Variants in DNAH17 observed in about 807,000 individuals in gnomAD.
The protein encoded by DNAH17 is axonemal beta dynein heavy chain 17.
In DNAH17, 376 loss-of-function variants were observed where a neutral mutation model predicts 485.6. The ratio of observed to expected loss-of-function variants is 0.77; its 90% confidence interval spans 0.71 to 0.84. The LOEUF is 0.84. Among genes scored for constraint, DNAH17 ranks in the 40% least tolerant of loss-of-function variants. DNAH17 has a pLI of 0.00. For synonymous variants in DNAH17, 3,031 were observed against 2,405.9 expected (o/e 1.26, Z -7.60); for missense variants, 6,370 against 5,839.3 (o/e 1.09, Z -2.96).
intron 1 of DNAH17, among the ~76,000 whole-genome samples, chr17:78,575,973 G>A (rs2092427727): frequency 6.6e-6 from 1 of 152,242 alleles, no homozygotes; most frequent in Non-Finnish European, 1.5e-5. Flanking sequence ...GGGCAGGGTT[G>A]AATGCAAAGG....
Position 78,453,482 on chromosome 17 carries a change from G to A in DNAH17, c.10407-17C>T, listed in dbSNP as rs1324572501. The A allele has an allele frequency of 6.2e-6, 10 of 1,613,572 alleles. No homozygotes were observed. The highest frequency in any genetic ancestry group is 8.5e-6 in the Non-Finnish European group (10 of 1,179,578). ...TCCAGGTAGCTGCGGGCACAACACG[G>A]AAGCTGGTTCATGGCAGAGGGCCTC... On this transcript the variant is annotated splice_polypyrimidine_tract_variant and intron_variant, in intron 64 of 80. Coordinates refer to ENST00000389840, the MANE Select transcript of DNAH17 (RefSeq NM_173628.4).
Position 78,575,089 on chromosome 17 carries a change from A to G in DNAH17, c.-25-7T>C. On this transcript the variant is annotated splice_region_variant and splice_polypyrimidine_tract_variant and intron_variant, in intron 1 of 80. Transcript: ENST00000389840. ...CTTTCCTTACACTGTGTATCTGTTA[A>G]GAGTGCAAGAAACAGGTACGAACTG... 1 of 1,562,458 alleles carries G rather than the reference A, an allele frequency of 6.4e-7. No individual in the cohort carries two copies.
chr17:78,574,633 G>A (rs917892803), intron 2 of DNAH17, 80 bp downstream of exon 2: 3 of 1,291,944 alleles, frequency 2.3e-6, no homozygotes, highest in Admixed American at 4.4e-5. Flanking sequence ...AGGGACTCCA[G>A]GCTGAGCAGC....
intron 27 of DNAH17, 149 bp from the exon 28 acceptor site, chr17:78,507,954 C>A: frequency 1.5e-6 from 1 of 679,848 alleles, no homozygotes; most frequent in Admixed American, 2.9e-5. Flanking sequence ...AAAGGCAGAT[C>A]CAACCCGAAC....
chr17:78,544,767 C>T (rs983443028), intron 16 of DNAH17, among the ~76,000 whole-genome samples: 1 of 127,184 alleles, frequency 7.9e-6, no homozygotes, highest in Non-Finnish European at 1.6e-5. Context: ...CGCCACTCCA[C>T]TCCAGCCTGG....
chr17:78,572,020 C>T (rs539593688), intron 3 of DNAH17, among the ~76,000 whole-genome samples: 3 of 152,116 alleles, frequency 2.0e-5, no homozygotes, highest in African/African-American at 4.8e-5. Flanking sequence ...GGCCTGGAGG[C>T]GCTCACCTCC....
chr17:78,425,388 G>A lies in DNAH17; in HGVS notation c.13099C>T (p.Pro4367Ser), dbSNP rs763969381. 3.3e-5 allele frequency: 53 copies of A among 1,613,878 alleles called. No homozygotes were observed. Among genetic ancestry groups the A allele is most frequent in the Non-Finnish European group, 3.9e-5 (46 of 1,179,900 alleles). ...TACACGTAGGAGCCCTCTCGCGGAG[G>A]AGCGGTCATGTCCTCTCGGTTTTTC... is the stretch of plus-strand genomic sequence containing the variant. ...TKKNREDMTA[P>S]PREGSYVYGL... The change falls in exon 80 of 81, where the codon CCT becomes TCT. Residue 4367 changes from proline (P) to serine (S), a missense_variant. Coordinates refer to ENST00000389840, the MANE Select transcript of DNAH17 (RefSeq NM_173628.4).
chr17:78,569,309 C>T, intron 8 of DNAH17, 57 bp from the exon 9 acceptor site: 2 of 1,600,304 alleles, frequency 1.2e-6, no homozygotes, highest in South Asian at 2.2e-5. Context: ...CCAAGTTTAT[C>T]AAATATCGGG....
Position 78,425,350 on chromosome 17 carries a change from C to CA in DNAH17, c.13136dup (p.Met4379IlefsTer15). ...ACAGACAAGAGCCCTCCTTACCTTC[C>CA]ATGAAGAGTCCGTACACGTAGGAGC... On this transcript the variant is annotated frameshift_variant, in exon 80 of 81. Coordinates refer to ENST00000389840, the MANE Select transcript of DNAH17 (RefSeq NM_173628.4). LOFTEE classifies it high-confidence loss of function. 6.2e-7 allele frequency: 1 copy of CA among 1,613,802 alleles called. No homozygotes were observed. Among genetic ancestry groups the CA allele is most frequent in the Non-Finnish European group, 8.5e-7 (1 of 1,179,764 alleles).
intron 68 of DNAH17, chr17:78,449,946 G>A (rs1048872993): frequency 1.4e-4 from 69 of 478,572 alleles, no homozygotes; most frequent in South Asian, 7.8e-4. Context: ...ATAGTGCTGA[G>A]ATGACAGGCA....
chr17:78,480,830 G>A (rs1394856898), intron 48 of DNAH17, 44 bp from the exon 49 acceptor site: 2 of 1,435,412 alleles, frequency 1.4e-6, no homozygotes, highest in African/African-American at 1.4e-5. Flanking sequence ...CTGGCCTGGA[G>A]GAACCATCCC....
Position 78,526,928 on chromosome 17 carries a change from G to C in DNAH17, c.3576C>G (p.Leu1192=). 1 of 1,588,018 alleles carries C rather than the reference G, an allele frequency of 6.3e-7. No homozygotes were observed. Among genetic ancestry groups the C allele is most frequent in the Non-Finnish European group, 8.6e-7 (1 of 1,166,940 alleles). The change falls in exon 23 of 81, where the codon CTC becomes CTG. Residue 1192 remains leucine, a synonymous_variant. Coordinates refer to ENST00000389840, the MANE Select transcript of DNAH17 (RefSeq NM_173628.4). ...AIQVKLTVAP[L]QANEVSILRR... ...GCAGGATGCTGACCTCGTTGGCCTG[G>C]AGTGGTGCCACGGTCAGCTTCACCT...
intron 36 of DNAH17, 193 bp downstream of exon 36, chr17:78,500,112 C>G (rs968530847): frequency 3.3e-6 from 2 of 605,104 alleles, no homozygotes; most frequent in African/African-American, 3.8e-5. Flanking sequence ...TCTGTCCACC[C>G]TGGAAGTCTT....
chr17:78,520,643 G>A (rs896933800), intron 25 of DNAH17, among the ~76,000 whole-genome samples: 2 of 152,018 alleles, frequency 1.3e-5, no homozygotes, highest in African/African-American at 4.8e-5. Context: ...AAAAAGAAAA[G>A]GAAAGACACA....
At position 78,455,778 on chromosome 17, in the gene DNAH17, T is replaced by C. The variant is rs1205079137; in HGVS notation, c.10036A>G (p.Arg3346Gly). The C allele has an allele frequency of 6.2e-7, 1 of 1,613,506 alleles. No homozygotes were observed. Residue 3346 changes from arginine (R) to glycine (G), a missense_variant, in exon 63 of 81, where the codon AGG becomes GGG. Transcript: ENST00000389840. ...CCACACAGCGTGACCCCCTGGCTCC[T>C]GAAGTTCTCCACAGACTCAGCCCAG... is the stretch of plus-strand genomic sequence containing the variant. ...IRWAESVENF[R>G]SQGVTLCGDV...
chr17:78,459,962 C>A lies in DNAH17; in HGVS notation c.9475G>T (p.Asp3159Tyr), dbSNP rs1009744216. 1.9e-6 allele frequency: 3 copies of A among 1,613,418 alleles called. No homozygotes were observed. The highest frequency in any genetic ancestry group is 1.3e-5 in the African/African-American group (1 of 75,026). ...GCGGCGGTGACGTTGACCACAGCAT[C>A]CGGCGGGGACCCAAAGGACTTCAGC... is the stretch of plus-strand genomic sequence containing the variant. ...TELKSFGSPPDAVVNVTAAVM... is the reference protein window; with the variant it reads ...TELKSFGSPPYAVVNVTAAVM... Residue 3159 changes from aspartate to tyrosine, a missense_variant, in exon 60 of 81, where the codon GAT becomes TAT. Physicochemically the swap from Asp to Tyr is radical, Grantham distance 160. Transcript: ENST00000389840.
chr17:78,503,555 C>G (rs2146727213), intron 31 of DNAH17, among the ~76,000 whole-genome samples: 1 of 152,148 alleles, frequency 6.6e-6, no homozygotes, highest in African/African-American at 2.4e-5. Flanking sequence ...AACTGCAGTC[C>G]TGGCTCACTG....
In DNAH17 at chr17:78,466,732, C is replaced by G; in HGVS notation, c.8863G>C (p.Asp2955His). 6.2e-7 allele frequency: 1 copy of G among 1,613,068 alleles called. No individual in the cohort carries two copies. The change falls in exon 56 of 81, where the codon GAC (aspartate) becomes CAC (histidine). Residue 2955 changes from aspartate (D) to histidine (H), a missense_variant. By Grantham distance (81) the Asp-to-His change is moderately conservative. Coordinates refer to ENST00000389840, the MANE Select transcript of DNAH17 (RefSeq NM_173628.4). Reference protein sequence around the residue: ...FPAVVNCTAIDWFHEWPEDAL... With the variant: ...FPAVVNCTAIHWFHEWPEDAL... ...TCTTCCGGCCACTCGTGGAACCAGT[C>G]GATGGCCGTGCAGTTGACCACAGCT...
chr17:78,547,617 AT>A (rs58852980), intron 16 of DNAH17, among the ~76,000 whole-genome samples: 4,288 of 134,530 alleles, frequency 0.032, 104 homozygotes, highest in African/African-American at 0.084. Context: ...GTTCATTACT[AT>A]TTTTTTTTTT....
Sources: allele counts gnomAD v4.1 joint callset (sites outside exome capture counted in the v4.1 genomes callset), GRCh38; gene constraint gnomAD v4.1.1; transcripts MANE v1.5; gene names NCBI Gene and HGNC (gene_info 2026-07-23, HGNC 2026-07-21).